Variants in C2CD3 observed in about 807,000 individuals in gnomAD.
C2CD3 encodes the protein C2 domain containing 3 centriole elongation regulator.
Under a neutral mutation model 234.0 loss-of-function variants are expected in C2CD3, and 148 were observed. The observed-to-expected ratio is 0.63, with a 90% CI of 0.55 to 0.72. C2CD3 has a LOEUF of 0.72. C2CD3 is among the 30% of genes least tolerant of loss of function. The pLI is 0.00. For synonymous variants in C2CD3, 1,000 were observed against 1,035.4 expected (o/e 0.97, Z 0.66); for missense variants, 2,577 against 2,811.5 (o/e 0.92, Z 1.89).
intron 16 of C2CD3, among the ~76,000 whole-genome samples, chr11:74,096,565 AAAT>A (rs1256203918): frequency 2.0e-5 from 3 of 152,220 alleles, no homozygotes; most frequent in Non-Finnish European, 2.9e-5. Flanking sequence ...TCAGTTCTGC[AAAT>A]GGTGAATTGG....
chr11:74,052,755 A>T (rs1226153853), intron 26 of C2CD3, among the ~76,000 whole-genome samples: 1 of 152,190 alleles, frequency 6.6e-6, no homozygotes, highest in Non-Finnish European at 1.5e-5. Context: ...CATCATCAAA[A>T]CAAGGGACTC....
intron 11 of C2CD3, among the ~76,000 whole-genome samples, chr11:74,111,864 C>T (rs551173028): frequency 2.0e-4 from 30 of 149,322 alleles, no homozygotes; most frequent in African/African-American, 6.4e-4. Flanking sequence ...CTTCTTCCAA[C>T]GTGGCCCATG....
chr11:74,073,881 T>C (rs1282555877), intron 24 of C2CD3, among the ~76,000 whole-genome samples: 2 of 152,164 alleles, frequency 1.3e-5, no homozygotes, highest in Admixed American at 6.5e-5. Context: ...CACGGATCCC[T>C]TGGATGTTTA....
Position 74,057,508 on chromosome 11 carries a change from C to T in C2CD3, c.4988G>A (p.Ser1663Asn), listed in dbSNP as rs12419308. ...GGCTGTTGCAAAGGATACACAACAA[C>T]TGGGTATCGATACTTTCCGCTCTGT... Reference protein sequence around the residue: ...PLTERKVSIPSCCVSFATADE... With the variant: ...PLTERKVSIPNCCVSFATADE... Residue 1663 changes from serine to asparagine, a missense_variant, in exon 25 of 33, where the codon AGT becomes AAT. Physicochemically the swap from Ser to Asn is conservative, Grantham distance 46 (BLOSUM62 1). Coordinates refer to ENST00000334126, the MANE Select transcript of C2CD3 (RefSeq NM_001286577.2). 0.03 allele frequency: 48,124 copies of T among 1,613,824 alleles called. 1,141 individuals carry two copies. The highest frequency in any genetic ancestry group is 0.097 in the African/African-American group (7,296 of 74,988).
At chr11:74,026,058 A>G (rs1370266723) in intron 32 of C2CD3, among the ~76,000 whole-genome samples, 2 of 152,180 alleles carry the variant, frequency 1.3e-5, no homozygotes, top group Non-Finnish European at 2.9e-5. Flanking sequence ...CCTGGACAGG[A>G]CTGACACTTC....
At chr11:74,122,850 T>C (rs1009015449) in intron 8 of C2CD3, 138 bp downstream of exon 8, 2 of 630,342 alleles carry the variant, frequency 3.2e-6, no homozygotes, top group African/African-American at 1.8e-5. Flanking sequence ...AAAATGAAGA[T>C]AATACTTTCC....
At chr11:74,107,715 A>G (rs1468010966) in intron 12 of C2CD3, among the ~76,000 whole-genome samples, 2 of 152,244 alleles carry the variant, frequency 1.3e-5, no homozygotes, top group Non-Finnish European at 2.9e-5. Flanking sequence ...AACATACTGT[A>G]TTCATTGGAA....
chr11:74,033,285 C>G, intron 31 of C2CD3, 66 bp downstream of exon 31: 1 of 1,389,248 alleles, frequency 7.2e-7, no homozygotes, highest in African/African-American at 1.4e-5. Flanking sequence ...GCCACTTGCT[C>G]ACACTCACAC....
In C2CD3 at chr11:74,139,799, T is replaced by C. The variant is rs766237696; in HGVS notation, c.513A>G (p.Glu171=). The part of the protein sequence containing the change: ...QVSLALEPLS[E]TYDSYHPLPT... ...GAAGTGGATGGTAGCTGTCGTAAGTTTCTGACAGAGGTTCCAGGGCAAGTG... is the reference window on the plus strand; with the variant it reads ...GAAGTGGATGGTAGCTGTCGTAAGTCTCTGACAGAGGTTCCAGGGCAAGTG... The change falls in exon 4 of 33, where the codon GAA becomes GAG. Residue 171 remains glutamate, a synonymous_variant. Coordinates refer to ENST00000334126, the MANE Select transcript of C2CD3 (RefSeq NM_001286577.2). The C allele has an allele frequency of 6.2e-7, 1 of 1,613,438 alleles. No individual in the cohort carries two copies. Among genetic ancestry groups the C allele is most frequent in the East Asian group, 2.2e-5 (1 of 44,880 alleles).
At chr11:74,056,757 A>C (rs1953967296) in intron 25 of C2CD3, among the ~76,000 whole-genome samples, 1 of 152,134 alleles carries the variant, frequency 6.6e-6, no homozygotes, top group African/African-American at 2.4e-5. Context: ...TCCGACTCTT[A>C]TTCATCTGGA....
intron 24 of C2CD3, among the ~76,000 whole-genome samples, chr11:74,066,117 A>G (rs945498466): frequency 5.3e-5 from 8 of 151,414 alleles, no homozygotes; most frequent in Non-Finnish European, 8.8e-5. Context: ...CTATGAAGCC[A>G]TAAGAAAGGA....
chr11:74,052,270 T>C (rs1405575309), intron 26 of C2CD3, among the ~76,000 whole-genome samples: 1 of 152,202 alleles, frequency 6.6e-6, no homozygotes, highest in African/African-American at 2.4e-5. Context: ...ACCTGACACA[T>C]AGTAGACATA....
intron 3 of C2CD3, among the ~76,000 whole-genome samples, chr11:74,155,375 A>G (rs1449787054): frequency 6.6e-6 from 1 of 152,384 alleles, no homozygotes; most frequent in East Asian, 1.9e-4. Context: ...TAGAGTTACC[A>G]TATGGCCCAG....
In C2CD3 at chr11:74,057,483, G is replaced by C. The variant is rs763164634; in HGVS notation, c.5013C>G (p.Ala1671=). 1.9e-6 allele frequency: 3 copies of C among 1,613,664 alleles called. No homozygotes were observed. The highest frequency in any genetic ancestry group is 2.5e-6 in the Non-Finnish European group (3 of 1,179,698). The part of the protein sequence containing the change: ...IPSCCVSFAT[A]DESSPVYTQV... ...GGGTGTATACAGGAGATGACTCATC[G>C]GCTGTTGCAAAGGATACACAACAAC... Residue 1671 remains alanine, a synonymous_variant, in exon 25 of 33, where the codon GCC becomes GCG. Coordinates refer to ENST00000334126, the MANE Select transcript of C2CD3 (RefSeq NM_001286577.2).
At chr11:74,079,686 C>T (rs554419911) in intron 22 of C2CD3, among the ~76,000 whole-genome samples, 2 of 151,730 alleles carry the variant, frequency 1.3e-5, no homozygotes, top group Non-Finnish European at 2.9e-5. Flanking sequence ...AGCTCAGATA[C>T]CTGTCCAACT....
intron 8 of C2CD3, among the ~76,000 whole-genome samples, chr11:74,120,399 T>C (rs910681309): frequency 2.0e-5 from 3 of 152,332 alleles, no homozygotes; most frequent in South Asian, 2.1e-4. Context: ...GTCCTTGTGA[T>C]AGCTTGCTCA....
chr11:74,028,286 C>A lies in C2CD3; in HGVS notation c.6921+1G>T. The stretch of plus-strand genomic sequence containing the variant: ...GAAAGGTCAGTTGGCCATTCTCTTA[C>A]CTGATCTGTTGTGGCTGCTGGTGGC... On this transcript the variant is annotated splice_donor_variant, in intron 32 of 32. Transcript: ENST00000334126. LOFTEE classifies it high-confidence loss of function. 1 of 1,533,190 alleles carries A rather than the reference C, an allele frequency of 6.5e-7. No individual in the cohort carries two copies. The highest frequency in any genetic ancestry group is 8.7e-7 in the Non-Finnish European group (1 of 1,144,196). 95.0% of individuals were successfully genotyped at this position (1,533,190 alleles called of 1,614,324 possible). A position where few individuals can be genotyped will look rare whatever the true frequency, so the allele number is the denominator to read the frequency against.
At chr11:74,119,010 T>C (rs191072965) in intron 8 of C2CD3, among the ~76,000 whole-genome samples, 168 of 151,188 alleles carry the variant, frequency 1.1e-3, no homozygotes, top group Non-Finnish European at 2.1e-3. Flanking sequence ...CTGGGGCTCA[T>C]GTGATCCTCT....
chr11:74,119,464 A>T (rs1210094524), intron 8 of C2CD3, among the ~76,000 whole-genome samples: 1 of 152,170 alleles, frequency 6.6e-6, no homozygotes, highest in Non-Finnish European at 1.5e-5. Context: ...AAAGACATAA[A>T]GCTTGCTAAT....
Sources: allele counts gnomAD v4.1 joint callset (sites outside exome capture counted in the v4.1 genomes callset), GRCh38; gene constraint gnomAD v4.1.1; transcripts MANE v1.5; gene names NCBI Gene and HGNC (gene_info 2026-07-23, HGNC 2026-07-21).